The following CTDSPL2 variants were observed in gnomAD, a reference collection of about 807,000 sequenced individuals.
CTDSPL2 encodes the protein CTD small phosphatase-like protein 2.
Under a neutral mutation model 60.0 loss-of-function variants are expected in CTDSPL2, and 5 were observed. The observed-to-expected ratio is 0.08, with a 90% confidence interval of 0.04 to 0.18. The LOEUF (loss-of-function observed/expected upper bound fraction) is 0.18. CTDSPL2 is among the 10% of genes least tolerant of loss of function. The pLI is 1.00. For missense variants in CTDSPL2, 370 were observed against 548.8 expected, an observed-to-expected ratio of 0.67 and a Z score of 3.26; for synonymous variants, 186 against 189.3, an observed-to-expected ratio of 0.98 and a Z score of 0.14.
intron 8 of CTDSPL2, among the ~76,000 whole-genome samples, chr15:44,501,105 G>A (rs1171775454): frequency 1.3e-5 from 2 of 152,068 alleles, no homozygotes; most frequent in African/African-American, 4.8e-5. Context: ...TGTGGCAGAT[G>A]TAAATAGTAT....
At chr15:44,455,186 A>C (rs559979463) in intron 1 of CTDSPL2, among the ~76,000 whole-genome samples, 2 of 152,152 alleles carry the variant, frequency 1.3e-5, no homozygotes, top group African/African-American at 4.8e-5. Context: ...CTTTGAAGCA[A>C]TTGTGAATGG....
intron 1 of CTDSPL2, among the ~76,000 whole-genome samples, chr15:44,440,790 C>T (rs1392205605): frequency 6.6e-6 from 1 of 152,008 alleles, no homozygotes; most frequent in Non-Finnish European, 1.5e-5. Context: ...GTAGTAAAGA[C>T]TGAGTAAATA....
intron 2 of CTDSPL2, among the ~76,000 whole-genome samples, chr15:44,476,525 G>A (rs2080919630): frequency 6.6e-6 from 1 of 152,084 alleles, no homozygotes. Flanking sequence ...ACAGTCAGGT[G>A]CCAGGTAATG....
At chr15:44,521,937 CAAAAAAAA>C (rs904398715) in intron 12 of CTDSPL2, among the ~76,000 whole-genome samples, 14 of 60,778 alleles carry the variant, frequency 2.3e-4, no homozygotes, top group African/African-American at 1.0e-3. Context: ...GACTCCGTCT[CAAAAAAAA>C]AAAAAAAAAA....
In CTDSPL2 at chr15:44,483,415, G is replaced by A. The variant is rs571702809; in HGVS notation, c.187-809G>A. Among the ~76,000 whole-genome samples, 6 of 152,128 alleles carry A rather than the reference G, an allele frequency of 3.9e-5. 1 individual carries two copies. In the South Asian group the frequency reaches 1.2e-3, roughly 32 times the overall value. On this transcript the variant is annotated intron_variant, in intron 2 of 12. Transcript: ENST00000260327. ...TAGCTGGGCATGGTGGTGGGCGCCT[G>A]TAATCCCAGCTACTCGGGAGGCTGA...
At chr15:44,444,145 C>T (rs1281036372) in intron 1 of CTDSPL2, among the ~76,000 whole-genome samples, 1 of 152,034 alleles carries the variant, frequency 6.6e-6, no homozygotes, top group Non-Finnish European at 1.5e-5. Context: ...CTGCCTCAGC[C>T]TCCCAAGTAG....
At chr15:44,496,995 A>C (rs757852502) in intron 6 of CTDSPL2, 32 bp from the exon 7 acceptor site, 1 of 1,311,600 alleles carries the variant, frequency 7.6e-7, no homozygotes, top group Non-Finnish European at 1.1e-6. Context: ...AAAAAGTAAA[A>C]TGTTGAAATT....
chr15:44,481,602 T>TC (rs2081027908), intron 2 of CTDSPL2, among the ~76,000 whole-genome samples: 1 of 152,212 alleles, frequency 6.6e-6, no homozygotes, highest in Non-Finnish European at 1.5e-5. Flanking sequence ...AGATGGAGTT[T>TC]CACTCTTGTT....
At chr15:44,428,117 C>A (rs1567052065) in intron 1 of CTDSPL2, 1 of 157,538 alleles carries the variant, frequency 6.3e-6, no homozygotes, top group Admixed American at 6.5e-5. Flanking sequence ...AGAAGTTTAG[C>A]TTTTTTTAAC....
At chr15:44,472,145 T>C (rs1306585727) in intron 2 of CTDSPL2, among the ~76,000 whole-genome samples, 1 of 152,232 alleles carries the variant, frequency 6.6e-6, no homozygotes, top group African/African-American at 2.4e-5. Flanking sequence ...ATATGAAGAA[T>C]GCTGTGAACA....
intron 8 of CTDSPL2, among the ~76,000 whole-genome samples, chr15:44,506,412 C>CCTTTTTTTTTTTTTTTTTTTTTT (rs2081465570): frequency 8.9e-6 from 1 of 112,396 alleles, no homozygotes; most frequent in South Asian, 3.0e-4. Flanking sequence ...CCTACTTTGA[C>CCTTTTTTTTTTTTTTTTTTTTTT]TTTTTTTTTT....
chr15:44,504,677 T>A (rs913755956), intron 8 of CTDSPL2, among the ~76,000 whole-genome samples: 1 of 149,872 alleles, frequency 6.7e-6, no homozygotes, highest in Admixed American at 6.7e-5. Context: ...GAGACCGGCC[T>A]GGGCAAGATA....
At position 44,484,308 on chromosome 15, in the gene CTDSPL2, G is replaced by C; in HGVS notation, c.271G>C (p.Glu91Gln). Residue 91 changes from glutamate to glutamine, a missense_variant, in exon 3 of 13, where the codon GAA (glutamate) becomes CAA (glutamine). By Grantham distance (29) the Glu-to-Gln change is conservative. Coordinates refer to ENST00000260327, the MANE Select transcript of CTDSPL2 (RefSeq NM_016396.3). Reference protein sequence around the residue: ...NLITSTPRAGEKPNKQISRVR... With the variant: ...NLITSTPRAGQKPNKQISRVR... Reference sequence around the variant, plus strand: ...GATCACGTCAACACCAAGAGCAGGAGAAAAACCTAACAAACAGATATCTCG... The same window carrying C: ...GATCACGTCAACACCAAGAGCAGGACAAAAACCTAACAAACAGATATCTCG... 1.2e-6 allele frequency: 2 copies of C among 1,613,774 alleles called. No individual in the cohort carries two copies. Among genetic ancestry groups the C allele is most frequent in the Non-Finnish European group, 1.7e-6 (2 of 1,179,782 alleles).
intron 1 of CTDSPL2, among the ~76,000 whole-genome samples, chr15:44,450,229 G>GT (rs747342549): frequency 2.6e-5 from 4 of 151,840 alleles, no homozygotes; most frequent in East Asian, 3.9e-4. Context: ...TAGTTTTACT[G>GT]TTTTTTTAAC....
chr15:44,521,898 A>G (rs1416332858), intron 12 of CTDSPL2, among the ~76,000 whole-genome samples: 1 of 122,998 alleles, frequency 8.1e-6, no homozygotes, highest in Non-Finnish European at 1.6e-5. Context: ...AGATCGCGCC[A>G]CTGCACTCCA....
chr15:44,469,620 G>T (rs529847570), intron 2 of CTDSPL2, among the ~76,000 whole-genome samples: 2 of 151,552 alleles, frequency 1.3e-5, no homozygotes, highest in African/African-American at 2.4e-5. Context: ...GTATTTTTTG[G>T]TACTTACTAG....
At chr15:44,475,970 A>T (rs1194959576) in intron 2 of CTDSPL2, among the ~76,000 whole-genome samples, 1 of 152,284 alleles carries the variant, frequency 6.6e-6, no homozygotes, top group Non-Finnish European at 1.5e-5. Context: ...CTGATATGTC[A>T]GTTTCTTATT....
At chr15:44,516,132 A>G (rs751571650) in intron 10 of CTDSPL2, among the ~76,000 whole-genome samples, 57 of 151,538 alleles carry the variant, frequency 3.8e-4, no homozygotes, top group Non-Finnish European at 1.0e-4. Flanking sequence ...ACACCTGGCT[A>G]ATTTTTAGTG....
intron 10 of CTDSPL2, among the ~76,000 whole-genome samples, chr15:44,517,720 C>T (rs2081682499): frequency 6.6e-6 from 1 of 152,332 alleles, no homozygotes; most frequent in East Asian, 1.9e-4. Context: ...TGTCTCCTGT[C>T]TCAATGAGTT....
Sources: allele counts gnomAD v4.1 joint callset (sites outside exome capture counted in the v4.1 genomes callset), GRCh38; gene constraint gnomAD v4.1.1; transcripts MANE v1.5; gene names NCBI Gene and HGNC (gene_info 2026-07-23, HGNC 2026-07-21).